Variants in RIMS2 observed in about 807,000 individuals in gnomAD.
The protein encoded by RIMS2 is regulating synaptic membrane exocytosis 2, also known as regulating synaptic membrane exocytosis protein 2.
In RIMS2, 59 loss-of-function variants were observed where a neutral mutation model predicts 174.4. That is an observed-to-expected ratio of 0.34 (90% CI 0.27 to 0.42). RIMS2 has a LOEUF of 0.42. Among genes scored for constraint, RIMS2 ranks in the 10% least tolerant of loss-of-function variants. The pLI, the probability that RIMS2 is intolerant of heterozygous loss-of-function variation, is 1.00. For missense variants in RIMS2, 1,620 were observed against 1,666.3 expected (o/e 0.97, Z 0.48); for synonymous variants, 606 against 572.5 (o/e 1.06, Z -0.84).
At position 103,725,402 on chromosome 8, in the gene RIMS2, C is replaced by T. The variant is rs530968272; in HGVS notation, c.387+28106C>T. The stretch of plus-strand genomic sequence containing the variant: ...TTTCCTGTCAGTTTTTTATCCCCGT[C>T]TCCCAAAAGGCAATCACCCTTCTGA... On this transcript the variant is annotated intron_variant, in intron 2 of 23. Coordinates refer to ENST00000504942, the Ensembl canonical transcript of RIMS2. 4.3e-4 allele frequency among the ~76,000 whole-genome samples: 65 copies of T among 152,280 alleles called. 1 individual carries two copies. The South Asian group carries it at 0.013, about 31-fold the overall frequency.
intron 2 of RIMS2, among the ~76,000 whole-genome samples, chr8:103,716,862 T>C (rs965780548): frequency 4.6e-5 from 7 of 152,158 alleles, no homozygotes; most frequent in African/African-American, 1.7e-4. Flanking sequence ...ATGTTAAATG[T>C]TGGATGTATT....
chr8:103,626,315 A>G (rs1329365653), intron 1 of RIMS2, among the ~76,000 whole-genome samples: 4 of 152,156 alleles, frequency 2.6e-5, no homozygotes, highest in East Asian at 1.9e-4. Flanking sequence ...ACTAATTACA[A>G]TCACTCTCTA....
chr8:104,040,839 A>G (rs1015678518), intron 19 of RIMS2, among the ~76,000 whole-genome samples: 4 of 151,720 alleles, frequency 2.6e-5, no homozygotes, highest in African/African-American at 9.7e-5. Context: ...TACTGGGGAA[A>G]CATAAAAGGA....
intron 1 of RIMS2, among the ~76,000 whole-genome samples, chr8:103,571,840 T>C (rs932342571): frequency 3.3e-5 from 5 of 152,188 alleles, no homozygotes; most frequent in Non-Finnish European, 5.9e-5. Context: ...CTTCAAAAAT[T>C]TTCTTCTGTC....
intron 19 of RIMS2, among the ~76,000 whole-genome samples, chr8:104,166,215 C>T (rs1363499394): frequency 1.3e-5 from 2 of 151,534 alleles, no homozygotes; most frequent in African/African-American, 2.4e-5. Flanking sequence ...TACAGGCGCC[C>T]GCCACCACGC....
chr8:103,718,753 C>T (rs2097405513), intron 2 of RIMS2, among the ~76,000 whole-genome samples: 1 of 152,010 alleles, frequency 6.6e-6, no homozygotes, highest in African/African-American at 2.4e-5. Context: ...CTGCAATCTC[C>T]ACCTCCCGAG....
chr8:103,610,852 G>A (rs762858986), intron 1 of RIMS2, among the ~76,000 whole-genome samples: 1 of 152,126 alleles, frequency 6.6e-6, no homozygotes, highest in East Asian at 1.9e-4. Context: ...GAATGAGTTC[G>A]AGAGGAGTTC....
chr8:103,648,595 G>A (rs1244495689), intron 1 of RIMS2, among the ~76,000 whole-genome samples: 2 of 152,050 alleles, frequency 1.3e-5, no homozygotes, highest in Non-Finnish European at 2.9e-5. Context: ...TTGTCTCTAA[G>A]AACTTGCTTT....
chr8:103,583,509 G>A (rs765895769), intron 1 of RIMS2, among the ~76,000 whole-genome samples: 2 of 152,098 alleles, frequency 1.3e-5, no homozygotes, highest in Non-Finnish European at 2.9e-5. Context: ...TAAAATAGTT[G>A]TGTTGAGGAA....
At chr8:103,724,176 G>A (rs1291264455) in intron 2 of RIMS2, among the ~76,000 whole-genome samples, 4 of 150,264 alleles carry the variant, frequency 2.7e-5, no homozygotes, top group African/African-American at 9.8e-5. Context: ...TCTTATTTCT[G>A]TGTTCCACCC....
At chr8:103,942,609 T>C (rs1161726721) in intron 13 of RIMS2, among the ~76,000 whole-genome samples, 164 bp from the exon 16 acceptor site, 1 of 152,162 alleles carries the variant, frequency 6.6e-6, no homozygotes, top group Non-Finnish European at 1.5e-5. Flanking sequence ...AAAAGTTTAT[T>C]TTTTGTCAAG....
At chr8:104,228,990 T>C (rs1362570415) in intron 19 of RIMS2, among the ~76,000 whole-genome samples, 1 of 152,200 alleles carries the variant, frequency 6.6e-6, no homozygotes, top group Non-Finnish European at 1.5e-5. Flanking sequence ...TCAGAATCTT[T>C]CACCACCATG....
intron 8 of RIMS2, among the ~76,000 whole-genome samples, chr8:103,917,273 T>C (rs1182287842): frequency 1.3e-5 from 2 of 152,326 alleles, no homozygotes; most frequent in African/African-American, 4.8e-5. Context: ...AGAATGGTAA[T>C]GTCCAGTTTT....
chr8:104,177,563 C>T (rs187144353), intron 19 of RIMS2, among the ~76,000 whole-genome samples: 126 of 152,032 alleles, frequency 8.3e-4, no homozygotes, highest in Middle Eastern at 3.4e-3. Flanking sequence ...TAAATTTAAA[C>T]GCTTAAATGT....
chr8:103,768,929 T>C, intron 3 of RIMS2: 9 of 443,296 alleles, frequency 2.0e-5, no homozygotes, highest in South Asian at 1.9e-4. Flanking sequence ...GCCAAGAGAA[T>C]GAAGGAGGCT....
chr8:103,982,767 A>G (rs1485459390), intron 16 of RIMS2, among the ~76,000 whole-genome samples: 1 of 152,204 alleles, frequency 6.6e-6, no homozygotes, highest in Non-Finnish European at 1.5e-5. Context: ...GATGAAAGCC[A>G]TATACAACAG....
At chr8:104,030,423 A>G (rs957931721) in intron 19 of RIMS2, among the ~76,000 whole-genome samples, 4 of 152,188 alleles carry the variant, frequency 2.6e-5, no homozygotes, top group Non-Finnish European at 4.4e-5. Context: ...AAGTTATAAG[A>G]TATATAATTA....
intron 3 of RIMS2, among the ~76,000 whole-genome samples, chr8:103,790,088 T>G (rs1231089245): frequency 6.6e-6 from 1 of 152,172 alleles, no homozygotes; most frequent in Non-Finnish European, 1.5e-5. Flanking sequence ...GGCTCTTGAT[T>G]TATTTATTTG....
At chr8:104,082,454 T>G (rs961087961) in intron 19 of RIMS2, among the ~76,000 whole-genome samples, 10 of 152,260 alleles carry the variant, frequency 6.6e-5, no homozygotes, top group African/African-American at 2.4e-4. Context: ...GAATAGAATG[T>G]AACACATGAA....
Sources: gnomAD v4.1 joint callset for allele counts (sites outside exome capture counted in the v4.1 genomes callset) on GRCh38, gnomAD v4.1.1 for gene constraint, MANE v1.5 for transcripts, NCBI Gene and HGNC (gene_info 2026-07-23, HGNC 2026-07-21) for gene names.